The following BLVRA variants were observed in gnomAD, a reference collection of about 807,000 sequenced individuals.
BLVRA encodes the protein BVR A.
A neutral mutation model predicts 32.8 loss-of-function variants in BLVRA; 22 were observed. The observed-to-expected ratio is 0.67, with a 90% CI of 0.48 to 0.96. The LOEUF (loss-of-function observed/expected upper bound fraction) is 0.96, where lower values mean the gene tolerates loss of function less well. Among genes scored for constraint, BLVRA ranks in the 40% least tolerant of loss-of-function variants. BLVRA has a pLI of 0.00. For synonymous variants in BLVRA, 119 were observed against 141.3 expected (o/e 0.84, Z 1.12); for missense variants, 323 against 358.1 (o/e 0.90, Z 0.79).
At chr7:43,804,186 A>T (rs1314170622) in intron 7 of BLVRA, among the ~76,000 whole-genome samples, 1 of 152,248 alleles carries the variant, frequency 6.6e-6, no homozygotes, top group Non-Finnish European at 1.5e-5. Flanking sequence ...TCAGGCCTAT[A>T]ATCCCAGCAC....
chr7:43,780,807 T>C (rs2095768154), intron 2 of BLVRA, among the ~76,000 whole-genome samples: 1 of 152,270 alleles, frequency 6.6e-6, no homozygotes, highest in Admixed American at 6.5e-5. Flanking sequence ...TTTTTATTTG[T>C]GTATGTTCAT....
rs2095779990 is a variant in BLVRA at position 43,787,956 on chromosome 7, T to C, written c.65T>C (p.Val22Ala). The change falls in exon 3 of 8, where the codon GTG becomes GCG. Residue 22 changes from valine to alanine, a missense_variant. Physicochemically the swap from Val to Ala is moderately conservative, Grantham distance 64. Transcript: ENST00000265523. The surrounding 1 kb of genome is among the most constrained non-coding windows in gnomAD (Gnocchi z 4.5). ...GTTGGTGTTGGCCGAGCCGGCTCCG[T>C]GCGGATGAGGGACTTGCGGAATCCA... ...VVVGVGRAGSVRMRDLRNPHP... is the reference protein window; with the variant it reads ...VVVGVGRAGSARMRDLRNPHP... 1.2e-6 allele frequency: 2 copies of C among 1,614,030 alleles called. No individual in the cohort carries two copies. The highest frequency in any genetic ancestry group is 1.7e-5 in the Admixed American group (1 of 59,980).
At chr7:43,760,664 T>C (rs1418505242) in intron 1 of BLVRA, among the ~76,000 whole-genome samples, 4 of 152,166 alleles carry the variant, frequency 2.6e-5, no homozygotes, top group Admixed American at 6.5e-5. Flanking sequence ...AGTGAAACTT[T>C]CCATTAATGG....
At chr7:43,803,352 T>C (rs1338628550) in intron 6 of BLVRA, among the ~76,000 whole-genome samples, 1 of 152,116 alleles carries the variant, frequency 6.6e-6, no homozygotes. Flanking sequence ...TATGTGTACA[T>C]AGATGTATAT....
intron 5 of BLVRA, among the ~76,000 whole-genome samples, chr7:43,793,395 A>G (rs181575566): frequency 1.3e-5 from 2 of 152,310 alleles, no homozygotes; most frequent in Admixed American, 1.3e-4. Flanking sequence ...TAATAACATG[A>G]CTACTAAGTG....
chr7:43,783,494 T>C (rs140337990), intron 2 of BLVRA, among the ~76,000 whole-genome samples: 4 of 152,344 alleles, frequency 2.6e-5, no homozygotes, highest in Admixed American at 2.0e-4. Context: ...TCTTTTATTT[T>C]TATATTGCCA....
intron 1 of BLVRA, chr7:43,760,191 C>G (rs990867487): frequency 6.6e-6 from 1 of 151,956 alleles, no homozygotes; most frequent in African/African-American, 2.4e-5. Context: ...CCGATCTTTA[C>G]TTTTTTATTC....
chr7:43,768,931 AT>A lies in BLVRA; in HGVS notation c.-21-2193del, dbSNP rs55853184. On this transcript the variant is annotated intron_variant, in intron 1 of 7. Coordinates refer to ENST00000265523, the MANE Select transcript of BLVRA (RefSeq NM_000712.4). ...TCAGTGTCTTAGTTATCCTTCTGAG[AT>A]TTTTTTTTTTTTTAAATGAGACAGG... Among the ~76,000 whole-genome samples, 1,410 of 143,934 alleles carry A rather than the reference AT, an allele frequency of 9.8e-3. 15 individuals carry two copies. The highest frequency in any genetic ancestry group is 0.029 in the African/African-American group (1,137 of 39,196). The allele number at this position is 143,934 out of a possible 152,430, so 94.4% of individuals were successfully genotyped here.
At chr7:43,782,218 A>G (rs1051947923) in intron 2 of BLVRA, among the ~76,000 whole-genome samples, 1 of 152,216 alleles carries the variant, frequency 6.6e-6, no homozygotes, top group Non-Finnish European at 1.5e-5. Flanking sequence ...TTCTAATGCA[A>G]TCCAGAGCTT....
intron 2 of BLVRA, among the ~76,000 whole-genome samples, chr7:43,779,145 C>T (rs550850556): frequency 4.5e-4 from 69 of 152,362 alleles, no homozygotes; most frequent in African/African-American, 1.4e-3. Flanking sequence ...GGCTTGCACA[C>T]GGTGCACTGC....
intron 2 of BLVRA, among the ~76,000 whole-genome samples, chr7:43,782,445 C>A (rs1032920056): frequency 6.6e-6 from 1 of 152,078 alleles, no homozygotes; most frequent in Non-Finnish European, 1.5e-5. Context: ...TGGCTTTTGC[C>A]CAGAAGTTCA....
rs2095779493 is a variant in BLVRA at position 43,787,697 on chromosome 7, C to T, written c.13-207C>T. Among the ~76,000 whole-genome samples the T allele has an allele frequency of 6.6e-6, 1 of 152,168 alleles. No individual in the cohort carries two copies. The highest frequency in any genetic ancestry group is 6.5e-5 in the Admixed American group (1 of 15,270). ...TCAACCTAAAGACATGGTGGAGCACCTTCAAGAACAGGTTTTGGCGGGACT... is the reference window on the plus strand; with the variant it reads ...TCAACCTAAAGACATGGTGGAGCACTTTCAAGAACAGGTTTTGGCGGGACT... On this transcript the variant is annotated intron_variant, in intron 2 of 7. Coordinates refer to ENST00000265523, the MANE Select transcript of BLVRA (RefSeq NM_000712.4). The surrounding 1 kb of genome is among the most constrained non-coding windows in gnomAD (Gnocchi z 4.5).
chr7:43,766,686 A>G (rs1055429212), intron 1 of BLVRA, among the ~76,000 whole-genome samples: 2 of 152,144 alleles, frequency 1.3e-5, no homozygotes, highest in African/African-American at 4.8e-5. Flanking sequence ...CTGACGGTGC[A>G]TCTTATCGTA....
At chr7:43,761,848 A>G (rs1336305146) in intron 1 of BLVRA, among the ~76,000 whole-genome samples, 3 of 152,238 alleles carry the variant, frequency 2.0e-5, no homozygotes. Context: ...GTAGTCACTA[A>G]AAGTTTCACC....
At chr7:43,779,293 C>A (rs904849172) in intron 2 of BLVRA, among the ~76,000 whole-genome samples, 1 of 152,230 alleles carries the variant, frequency 6.6e-6, no homozygotes. Context: ...GCTCCACTAT[C>A]CTATCTTTCT....
intron 1 of BLVRA, among the ~76,000 whole-genome samples, chr7:43,762,686 A>G (rs1425759389): frequency 7.2e-6 from 1 of 138,274 alleles, no homozygotes; most frequent in Non-Finnish European, 1.5e-5. Flanking sequence ...GTCTCGGCTC[A>G]TTGCAACCTC....
chr7:43,782,555 C>T (rs367627109), intron 2 of BLVRA, among the ~76,000 whole-genome samples: 3 of 152,030 alleles, frequency 2.0e-5, no homozygotes, highest in Non-Finnish European at 2.9e-5. Context: ...CTTGGGAATG[C>T]GGCTTGGAAG....
At chr7:43,765,677 A>AT (rs1377470704) in intron 1 of BLVRA, among the ~76,000 whole-genome samples, 1 of 152,200 alleles carries the variant, frequency 6.6e-6, no homozygotes, top group Non-Finnish European at 1.5e-5. Context: ...TCCCAGTGGA[A>AT]TTTTTTAACT....
At chr7:43,791,906 G>C (rs539360957) in intron 4 of BLVRA, 2 of 163,518 alleles carry the variant, frequency 1.2e-5, no homozygotes, top group South Asian at 1.6e-4. Flanking sequence ...CTCCCACCAT[G>C]CTGTTTCCCA....
Sources: allele counts gnomAD v4.1 joint callset (sites outside exome capture counted in the v4.1 genomes callset), GRCh38; gene constraint gnomAD v4.1.1; non-coding constraint Gnocchi (gnomAD v3.1); transcripts MANE v1.5; gene names NCBI Gene and HGNC (gene_info 2026-07-23, HGNC 2026-07-21).